The following GRXCR1 variants were observed in gnomAD, a reference collection of about 807,000 sequenced individuals.
GRXCR1 encodes glutaredoxin domain-containing cysteine-rich protein 1.
In GRXCR1, 27 loss-of-function variants were observed where a neutral mutation model predicts 27.3. The observed-to-expected ratio is 0.99, with a 90% confidence interval of 0.73 to 1.37. The LOEUF (loss-of-function observed/expected upper bound fraction) is 1.37. GRXCR1 is among the 40% of genes most tolerant of loss of function. The pLI is 0.00. For synonymous variants in GRXCR1, 122 were observed against 131.1 expected, an observed-to-expected ratio of 0.93 and a Z score of 0.47; for missense variants, 379 against 354.4, an observed-to-expected ratio of 1.07 and a Z score of -0.56.
intron 1 of GRXCR1, among the ~76,000 whole-genome samples, chr4:42,916,440 GATA>G (rs1746888308): frequency 1.3e-5 from 2 of 152,242 alleles, no homozygotes; most frequent in South Asian, 2.1e-4. Context: ...CATTTTTTGA[GATA>G]ATATCGCCTT....
At chr4:42,947,267 G>A (rs1195942136) in intron 1 of GRXCR1, among the ~76,000 whole-genome samples, 1 of 152,066 alleles carries the variant, frequency 6.6e-6, no homozygotes, top group African/African-American at 2.4e-5. Flanking sequence ...TCAGGGGAAA[G>A]AGTGACCCTA....
chr4:43,008,070 T>C (rs897794630), intron 2 of GRXCR1, among the ~76,000 whole-genome samples: 8 of 152,188 alleles, frequency 5.3e-5, no homozygotes, highest in African/African-American at 1.7e-4. Context: ...TCATTGATTA[T>C]ATTAAATTTC....
intron 1 of GRXCR1, among the ~76,000 whole-genome samples, chr4:42,896,585 G>A (rs752803040): frequency 1.3e-5 from 2 of 152,032 alleles, no homozygotes; most frequent in African/African-American, 2.4e-5. Flanking sequence ...TACAGAGCTC[G>A]AGAGAGGCCA....
intron 1 of GRXCR1, among the ~76,000 whole-genome samples, chr4:42,895,020 G>A (rs548763863): frequency 2.6e-4 from 40 of 152,222 alleles, no homozygotes; most frequent in Non-Finnish European, 3.5e-4. Flanking sequence ...AAAAGTTTTA[G>A]TACTTTGATT....
At chr4:43,027,871 A>C (rs1036176606) in intron 3 of GRXCR1, among the ~76,000 whole-genome samples, 1 of 152,168 alleles carries the variant, frequency 6.6e-6, no homozygotes, top group Admixed American at 6.5e-5. Flanking sequence ...GCACTTTGGG[A>C]GGCCGAGGTG....
intron 3 of GRXCR1, among the ~76,000 whole-genome samples, chr4:43,022,758 C>A (rs1476631970): frequency 6.6e-6 from 1 of 152,146 alleles, no homozygotes; most frequent in Non-Finnish European, 1.5e-5. Context: ...AATACAGATC[C>A]AAACCGATCC....
At chr4:42,916,113 A>T (rs1403733773) in intron 1 of GRXCR1, among the ~76,000 whole-genome samples, 1 of 147,502 alleles carries the variant, frequency 6.8e-6, no homozygotes, top group African/African-American at 2.5e-5. Flanking sequence ...AAAAAAAAAG[A>T]TTACTGAAGC....
chr4:42,964,062 A>G (rs1397902401), intron 2 of GRXCR1, among the ~76,000 whole-genome samples: 1 of 151,996 alleles, frequency 6.6e-6, no homozygotes, highest in Non-Finnish European at 1.5e-5. Flanking sequence ...AATGTAGAGA[A>G]GCTGTGATTC....
chr4:42,951,504 G>T (rs1394780132), intron 1 of GRXCR1, among the ~76,000 whole-genome samples: 1 of 152,170 alleles, frequency 6.6e-6, no homozygotes, highest in Non-Finnish European at 1.5e-5. Flanking sequence ...TAATTAAACT[G>T]AGTGAGTCTT....
chr4:43,022,005 C>G (rs368239696), intron 3 of GRXCR1, among the ~76,000 whole-genome samples: 4 of 152,224 alleles, frequency 2.6e-5, no homozygotes, highest in Non-Finnish European at 1.5e-5. Context: ...GTACTTGCTC[C>G]TCTTAAAACT....
intron 2 of GRXCR1, among the ~76,000 whole-genome samples, chr4:42,965,623 G>GT (rs1748220253): frequency 6.6e-6 from 1 of 152,132 alleles, no homozygotes; most frequent in African/African-American, 2.4e-5. Flanking sequence ...CATCTGTGGT[G>GT]TTTTAAACAG....
intron 1 of GRXCR1, among the ~76,000 whole-genome samples, chr4:42,899,037 C>T (rs1746409794): frequency 6.6e-6 from 1 of 152,052 alleles, no homozygotes; most frequent in South Asian, 2.1e-4. Flanking sequence ...AACTTAGAGT[C>T]CTGTGACCAC....
intron 1 of GRXCR1, among the ~76,000 whole-genome samples, chr4:42,929,261 G>T (rs1302555507): frequency 1.3e-5 from 2 of 151,934 alleles, no homozygotes; most frequent in African/African-American, 4.8e-5. Context: ...CTATGGAATG[G>T]CAAGGCCTTA....
intron 2 of GRXCR1, among the ~76,000 whole-genome samples, chr4:43,013,683 C>T (rs1268317569): frequency 6.6e-6 from 1 of 152,120 alleles, no homozygotes; most frequent in African/African-American, 2.4e-5. Flanking sequence ...TCAGTTTATG[C>T]AAAGAGAATC....
At chr4:42,905,850 G>A (rs1302815568) in intron 1 of GRXCR1, among the ~76,000 whole-genome samples, 1 of 152,146 alleles carries the variant, frequency 6.6e-6, no homozygotes, top group Non-Finnish European at 1.5e-5. Flanking sequence ...TGCCTCCTAG[G>A]TAGAAGATAG....
At chr4:42,918,224 G>C (rs967331456) in intron 1 of GRXCR1, among the ~76,000 whole-genome samples, 3 of 152,014 alleles carry the variant, frequency 2.0e-5, no homozygotes, top group Admixed American at 6.5e-5. Flanking sequence ...AGGCAGAAGA[G>C]CAAAAGGAGG....
intron 1 of GRXCR1, among the ~76,000 whole-genome samples, chr4:42,953,294 T>G (rs969983413): frequency 2.6e-5 from 4 of 152,190 alleles, no homozygotes; most frequent in Admixed American, 2.6e-4. Context: ...CTTTCATGAA[T>G]AGAGTACAGC....
At chr4:42,969,085 T>C (rs1748319796) in intron 2 of GRXCR1, among the ~76,000 whole-genome samples, 1 of 152,084 alleles carries the variant, frequency 6.6e-6, no homozygotes, top group African/African-American at 2.4e-5. Flanking sequence ...GCAGAGATGG[T>C]GGGGAGCCTT....
chr4:43,017,066 A>G (rs111887753), intron 2 of GRXCR1, among the ~76,000 whole-genome samples: 5,385 of 152,282 alleles, frequency 0.035, 115 homozygotes, highest in African/African-American at 0.052. Context: ...AATGAGATAG[A>G]TTCTTTCCTG....
Sources: gnomAD v4.1 joint callset for allele counts (sites outside exome capture counted in the v4.1 genomes callset) on GRCh38, gnomAD v4.1.1 for gene constraint, MANE v1.5 for transcripts, NCBI Gene and HGNC (gene_info 2026-07-23, HGNC 2026-07-21) for gene names.